The following KAZN variants were observed in gnomAD, a reference collection of about 807,000 sequenced individuals.
KAZN encodes the protein kazrin, periplakin interacting protein.
Under a neutral mutation model 87.4 loss-of-function variants are expected in KAZN, and 40 were observed. That is an observed-to-expected ratio of 0.46 (90% CI 0.36 to 0.60). The LOEUF is 0.60. Ranked by LOEUF, KAZN falls within the 20% of genes least tolerant of loss-of-function variation. The pLI is 0.00. For synonymous variants in KAZN, 466 were observed against 458.3 expected, an observed-to-expected ratio of 1.02 and a Z score of -0.22; for missense variants, 898 against 1,073.9, an observed-to-expected ratio of 0.84 and a Z score of 2.29.
intron 1 of KAZN, among the ~76,000 whole-genome samples, chr1:14,690,792 A>C (rs1376065043): frequency 6.6e-6 from 1 of 152,100 alleles, no homozygotes; most frequent in Non-Finnish European, 1.5e-5. Context: ...TGGAGACCTC[A>C]CTGTGGTTTA....
chr1:13,984,204 G>T (rs374468843), intron 1 of KAZN, among the ~76,000 whole-genome samples: 1 of 152,064 alleles, frequency 6.6e-6, no homozygotes, highest in African/African-American at 2.4e-5. Flanking sequence ...TAGAGACGGG[G>T]TTTCACTGTG....
At chr1:14,431,593 T>C (rs1273156203) in intron 2 of KAZN, among the ~76,000 whole-genome samples, 1 of 152,160 alleles carries the variant, frequency 6.6e-6, no homozygotes, top group Non-Finnish European at 1.5e-5. Context: ...TCAGTGTAGG[T>C]GGGCACCATC....
At chr1:14,562,356 C>T (rs1374975173) in intron 2 of KAZN, among the ~76,000 whole-genome samples, 3 of 152,166 alleles carry the variant, frequency 2.0e-5, no homozygotes, top group Non-Finnish European at 4.4e-5. Flanking sequence ...GGATGATTGA[C>T]ACTAGTTCTG....
intron 1 of KAZN, among the ~76,000 whole-genome samples, chr1:14,129,579 T>C (rs1644948299): frequency 6.6e-6 from 1 of 152,182 alleles, no homozygotes; most frequent in Non-Finnish European, 1.5e-5. Context: ...TGCTGCGTCT[T>C]TGCAGAGCTC....
chr1:14,936,605 C>T lies in KAZN; in HGVS notation c.227-24079C>T, dbSNP rs193187199. The stretch of plus-strand genomic sequence containing the variant: ...AAGGCCTCACCTACCTGCTCCGCCC[C>T]CTTTTAGATTCCCTGATCACTTTGA... On this transcript the variant is annotated intron_variant, in intron 1 of 14. Transcript: ENST00000376030. 9.2e-5 allele frequency among the ~76,000 whole-genome samples: 14 copies of T among 152,270 alleles called. No individual in the cohort carries two copies. In the East Asian group the frequency reaches 2.7e-3, roughly 29 times the overall value.
At chr1:14,879,724 A>G (rs55971325) in intron 1 of KAZN, among the ~76,000 whole-genome samples, 4 of 152,134 alleles carry the variant, frequency 2.6e-5, no homozygotes, top group African/African-American at 9.7e-5. Flanking sequence ...CTTCGAATAC[A>G]ATTTGAATTG....
rs980018949 is a variant in KAZN at position 14,659,277 on chromosome 1, C to T, written c.226+60054C>T. Among the ~76,000 whole-genome samples, 4 of 151,964 alleles carry T rather than the reference C, an allele frequency of 2.6e-5. No homozygotes were observed. In the East Asian group the frequency reaches 7.7e-4, roughly 29 times the overall value. On this transcript the variant is annotated intron_variant, in intron 1 of 14. Coordinates refer to ENST00000376030, the MANE Select transcript of KAZN (RefSeq NM_201628.3). ...TAAATAAATAAATAAAAGAGACTGC[C>T]AGGAAAGGACAGAATCTAGCCAAAG...
At chr1:14,896,041 C>CTTTTT (rs201188620) in intron 1 of KAZN, among the ~76,000 whole-genome samples, 6 of 140,714 alleles carry the variant, frequency 4.3e-5, no homozygotes, top group African/African-American at 1.7e-4. Flanking sequence ...AAAAAGACGC[C>CTTTTT]TTTTTTTTTT....
At chr1:14,109,726 GA>G (rs1644456402) in intron 1 of KAZN, among the ~76,000 whole-genome samples, 1 of 143,818 alleles carries the variant, frequency 7.0e-6, no homozygotes. Context: ...GCTGCATCAA[GA>G]AGGCAAAGAC....
intron 2 of KAZN, among the ~76,000 whole-genome samples, chr1:14,286,799 T>C (rs1411805783): frequency 6.6e-6 from 1 of 152,152 alleles, no homozygotes; most frequent in Non-Finnish European, 1.5e-5. Flanking sequence ...ACTATAACAC[T>C]CATAACTTGA....
intron 2 of KAZN, among the ~76,000 whole-genome samples, chr1:14,299,795 C>A (rs955726642): frequency 6.6e-6 from 1 of 152,200 alleles, no homozygotes; most frequent in Admixed American, 6.5e-5. Flanking sequence ...CTGCTCACAT[C>A]ACATTTACTA....
At chr1:14,128,510 G>T (rs1557497794) in intron 1 of KAZN, among the ~76,000 whole-genome samples, 1 of 152,126 alleles carries the variant, frequency 6.6e-6, no homozygotes, top group African/African-American at 2.4e-5. Context: ...GCAGACAGCG[G>T]CCTTCTTGCT....
intron 2 of KAZN, among the ~76,000 whole-genome samples, chr1:14,973,922 T>C (rs1360011350): frequency 6.6e-6 from 1 of 152,004 alleles, no homozygotes; most frequent in East Asian, 1.9e-4. Context: ...TTCTTACATC[T>C]CATGATCTTG....
intron 1 of KAZN, among the ~76,000 whole-genome samples, chr1:14,054,996 G>C (rs1219408561): frequency 1.3e-5 from 2 of 152,154 alleles, no homozygotes; most frequent in African/African-American, 4.8e-5. Context: ...GTGTGTTATA[G>C]GATGTTGAGC....
At chr1:14,081,282 T>TTGTTGAAGA (rs1307204135) in intron 1 of KAZN, among the ~76,000 whole-genome samples, 4 of 152,136 alleles carry the variant, frequency 2.6e-5, no homozygotes, top group African/African-American at 9.7e-5. Context: ...TGGGGCCCCG[T>TTGTTGAAGA]TGTTGAAGAT....
In KAZN at chr1:14,359,177, C is replaced by A. The variant is rs112875383; in HGVS notation, c.249+178585C>A. On this transcript the variant is annotated intron_variant, in intron 2 of 16. Transcript: ENST00000636203. ...AATTGATCTCTTTACCAATATCTAA[C>A]GTCCTTCTTCGTCTTTATCTTTGTT... Among the ~76,000 whole-genome samples the A allele has an allele frequency of 8.8e-3, 1,347 of 152,212 alleles. 23 individuals are homozygous for A. The highest frequency in any genetic ancestry group is 0.031 in the African/African-American group (1,292 of 41,528).
intron 1 of KAZN, among the ~76,000 whole-genome samples, chr1:14,940,133 G>T (rs1660886907): frequency 6.6e-6 from 1 of 152,194 alleles, no homozygotes; most frequent in Admixed American, 6.5e-5. Flanking sequence ...AGTGGGCGGG[G>T]TACTTGGTAT....
intron 2 of KAZN, among the ~76,000 whole-genome samples, chr1:14,386,981 C>T (rs945055151): frequency 5.3e-5 from 8 of 152,142 alleles, no homozygotes; most frequent in Non-Finnish European, 7.3e-5. Flanking sequence ...CTTTTCACAT[C>T]GTCCCATATT....
At chr1:14,273,076 G>A (rs1300502115) in intron 2 of KAZN, among the ~76,000 whole-genome samples, 1 of 151,964 alleles carries the variant, frequency 6.6e-6, no homozygotes, top group Admixed American at 6.6e-5. Flanking sequence ...TTTATTGTTG[G>A]GCTGGATGAA....
Sources: allele counts gnomAD v4.1 joint callset (sites outside exome capture counted in the v4.1 genomes callset), GRCh38; gene constraint gnomAD v4.1.1; transcripts MANE v1.5; gene names NCBI Gene and HGNC (gene_info 2026-07-23, HGNC 2026-07-21).